SAFB: variants seen among roughly 807,000 people sequenced by gnomAD.
The protein encoded by SAFB is scaffold attachment factor B.
In SAFB, 15 loss-of-function variants were observed where a neutral mutation model predicts 101.6. The observed-to-expected ratio is 0.15, with a 90% CI of 0.10 to 0.23. The LOEUF (loss-of-function observed/expected upper bound fraction) is 0.23. Ranked by LOEUF, SAFB falls within the 10% of genes least tolerant of loss-of-function variation. The pLI is 1.00. For missense variants in SAFB, 930 were observed against 1,104.1 expected (o/e 0.84, Z 2.23); for synonymous variants, 449 against 407.5 (o/e 1.10, Z -1.23).
intron 2 of SAFB, among the ~76,000 whole-genome samples, chr19:5,637,076 G>A (rs915444316): frequency 3.3e-5 from 5 of 151,274 alleles, no homozygotes; most frequent in South Asian, 2.1e-4. Flanking sequence ...CGGGCGTGGT[G>A]GCTCACGCCT....
Position 5,654,140 on chromosome 19 carries a change from A to C in SAFB, c.1606A>C (p.Ser536Arg). ...GGGTGACGACGGAAGTGGAGAAAAGAGTAAGGACCAAGATGATCAGAAACC... is the reference window on the plus strand; with the variant it reads ...GGGTGACGACGGAAGTGGAGAAAAGCGTAAGGACCAAGATGATCAGAAACC... ...KKGDDGSGEK[S>R]KDQDDQKPGP... is the part of the protein sequence containing the mutation. The change falls in exon 12 of 21, where the codon AGT becomes CGT. Residue 536 changes from serine (S) to arginine (R), a missense_variant. Physicochemically the swap from Ser to Arg is moderately radical, Grantham distance 110 (BLOSUM62 -1). This residue lies in a region of SAFB where 92 missense variants were observed against 83.8 expected (regional missense o/e 1.10). Transcript: ENST00000588852. 2 of 1,614,222 alleles carry C rather than the reference A, an allele frequency of 1.2e-6. No homozygotes were observed. The highest frequency in any genetic ancestry group is 2.2e-5 in the East Asian group (1 of 44,888).
At chr19:5,637,542 G>C (rs909763322) in intron 2 of SAFB, among the ~76,000 whole-genome samples, 1 of 151,904 alleles carries the variant, frequency 6.6e-6, no homozygotes, top group African/African-American at 2.4e-5. Flanking sequence ...TGTAGTTCCA[G>C]CTACTCGGGA....
At chr19:5,640,750 C>G (rs2053691330) in intron 2 of SAFB, among the ~76,000 whole-genome samples, 1 of 151,944 alleles carries the variant, frequency 6.6e-6, no homozygotes, top group Non-Finnish European at 1.5e-5. Flanking sequence ...CCACCACAAC[C>G]AGCTAGTTTT....
chr19:5,632,044 G>A (rs2053501569), intron 2 of SAFB, among the ~76,000 whole-genome samples: 1 of 152,096 alleles, frequency 6.6e-6, no homozygotes, highest in African/African-American at 2.4e-5. Flanking sequence ...GCAAGACTCT[G>A]TCTCGAAAAA....
Position 5,626,495 on chromosome 19 carries a change from G to A in SAFB, c.274+6G>A. 1 of 1,552,292 alleles carries A rather than the reference G, an allele frequency of 6.4e-7. No individual in the cohort carries two copies. The highest frequency in any genetic ancestry group is 1.7e-4 in the Middle Eastern group (1 of 5,830). On this transcript the variant is annotated splice_donor_region_variant and intron_variant, in intron 2 of 20. Transcript: ENST00000588852. Reference sequence around the variant, plus strand: ...ATCAAAGAGGTCTAGCAAAGGTATGGAGGATTTCATAAGCAAGTTTCATGT... The same window carrying A: ...ATCAAAGAGGTCTAGCAAAGGTATGAAGGATTTCATAAGCAAGTTTCATGT...
Position 5,668,183 on chromosome 19 carries a change from C to A in SAFB, c.2646C>A (p.Gly882=). ...GMSGRGSFAP[G]GASRGHPIPH... ...CTAGGCGCGGCAGCTTTGCCCCAGG[C>A]GGGGCCTCCCGGGGCCACCCCATCC... Residue 882 remains glycine (G), a synonymous_variant, in exon 21 of 21, where the codon GGC becomes GGA. Coordinates refer to ENST00000588852, the MANE Select transcript of SAFB (RefSeq NM_001201338.2). 1 of 1,604,130 alleles carries A rather than the reference C, an allele frequency of 6.2e-7. No individual in the cohort carries two copies. Among genetic ancestry groups the A allele is most frequent in the African/African-American group, 1.3e-5 (1 of 74,388 alleles).
rs767121870 is a variant in SAFB at position 5,664,415 on chromosome 19, A to G, written c.2310A>G (p.Ser770=). 3 of 1,613,594 alleles carry G rather than the reference A, an allele frequency of 1.9e-6. No individual in the cohort carries two copies. Among genetic ancestry groups the G allele is most frequent in the Non-Finnish European group, 2.5e-6 (3 of 1,179,498 alleles). The change falls in exon 17 of 21, where the codon TCA becomes TCG. Residue 770 remains serine (S), a synonymous_variant. Coordinates refer to ENST00000588852, the MANE Select transcript of SAFB (RefSeq NM_001201338.2). ...TTTTCAGGAGAGAAGGTTCAAGGTC[A>G]ATGATGGGAGAACGAGAAGGACAGG... is the stretch of plus-strand genomic sequence containing the variant. The part of the protein sequence containing the change: ...HSVDRREGSR[S]MMGEREGQHY...
Position 5,633,404 on chromosome 19 carries a change from A to G in SAFB, c.274+6915A>G, listed in dbSNP as rs547341203. On this transcript the variant is annotated intron_variant, in intron 2 of 20. Coordinates refer to ENST00000588852, the MANE Select transcript of SAFB (RefSeq NM_001201338.2). ...TGGAATGGCAGGGTACGTGAGTCTCATCTTATGCTTTTCCTGCCCTTTCCC... is the reference window on the plus strand; with the variant it reads ...TGGAATGGCAGGGTACGTGAGTCTCGTCTTATGCTTTTCCTGCCCTTTCCC... Among the ~76,000 whole-genome samples, 399 of 152,204 alleles carry G rather than the reference A, an allele frequency of 2.6e-3. 1 individual carries two copies. Among genetic ancestry groups the G allele is most frequent in the Middle Eastern group, 3.4e-3 (1 of 294 alleles).
chr19:5,629,873 G>A (rs1382244112), intron 2 of SAFB, among the ~76,000 whole-genome samples: 2 of 151,978 alleles, frequency 1.3e-5, no homozygotes, highest in Non-Finnish European at 2.9e-5. Flanking sequence ...AAAACCCCAC[G>A]TCTACTAAAA....
chr19:5,648,450 C>A lies in SAFB; in HGVS notation c.637+407C>A, dbSNP rs140916121. On this transcript the variant is annotated intron_variant, in intron 6 of 20. Coordinates refer to ENST00000588852, the MANE Select transcript of SAFB (RefSeq NM_001201338.2). Reference sequence around the variant, plus strand: ...CAGCTCAGGTAGTGGTAGGGAGATACATTTTAAAACATAAATTTGAGACAT... The same window carrying A: ...CAGCTCAGGTAGTGGTAGGGAGATAAATTTTAAAACATAAATTTGAGACAT... 2,194 of 277,520 alleles carry A rather than the reference C, an allele frequency of 7.9e-3. 13 individuals carry two copies. The highest frequency in any genetic ancestry group is 0.018 in the Middle Eastern group (14 of 774). 17.2% of individuals were successfully genotyped at this position (277,520 alleles called of 1,614,324 possible).
At position 5,624,471 on chromosome 19, in the gene SAFB, G is replaced by C. The variant is rs188352201; in HGVS notation, c.189+1077G>C. Among the ~76,000 whole-genome samples the C allele has an allele frequency of 3.9e-5, 6 of 152,150 alleles. No homozygotes were observed. In the East Asian group the frequency reaches 9.7e-4, roughly 25 times the overall value. On this transcript the variant is annotated intron_variant, in intron 1 of 20. Transcript: ENST00000588852. ...AGGAAAAGCAGAGAGGCAAGTAAAGGTTAGCCACCTGCGGTTTCCTTATTC... is the reference window on the plus strand; with the variant it reads ...AGGAAAAGCAGAGAGGCAAGTAAAGCTTAGCCACCTGCGGTTTCCTTATTC...
At chr19:5,668,068 T>TG in intron 20 of SAFB, 94 bp from the exon 21 acceptor site, 1 of 1,529,104 alleles carries the variant, frequency 6.5e-7, no homozygotes, top group Non-Finnish European at 8.8e-7. Flanking sequence ...GAAGGGGCCC[T>TG]GCCTGCAGGC....
Position 5,661,712 on chromosome 19 carries a change from G to T in SAFB, c.2057G>T (p.Arg686Leu), listed in dbSNP as rs1046736469. Residue 686 changes from arginine (R) to leucine (L), a missense_variant, in exon 15 of 21, where the codon CGC (arginine) becomes CTC (leucine). Transcript: ENST00000588852. ...VEHERRREQE[R>L]IHREREELRR... ...CACGAGCGCAGGCGCGAGCAGGAGCGCATCCACCGTGAGCGCGAGGAGCTG... is the reference window on the plus strand; with the variant it reads ...CACGAGCGCAGGCGCGAGCAGGAGCTCATCCACCGTGAGCGCGAGGAGCTG... 3 of 1,601,500 alleles carry T rather than the reference G, an allele frequency of 1.9e-6. No individual in the cohort carries two copies. Among genetic ancestry groups the T allele is most frequent in the Non-Finnish European group, 2.6e-6 (3 of 1,175,916 alleles).
intron 1 of SAFB, among the ~76,000 whole-genome samples, chr19:5,626,021 G>A (rs1475587877): frequency 6.6e-6 from 1 of 152,084 alleles, no homozygotes; most frequent in Non-Finnish European, 1.5e-5. Flanking sequence ...TTCCCTTTTT[G>A]AGTTCTTCTG....
At chr19:5,638,914 G>A (rs1045475835) in intron 2 of SAFB, among the ~76,000 whole-genome samples, 5 of 151,394 alleles carry the variant, frequency 3.3e-5, no homozygotes, top group African/African-American at 1.2e-4. Context: ...TAGAGACGCG[G>A]TTTTGCCATG....
intron 2 of SAFB, among the ~76,000 whole-genome samples, chr19:5,639,444 G>T (rs2053659399): frequency 6.6e-6 from 1 of 152,158 alleles, no homozygotes; most frequent in Admixed American, 6.5e-5. Flanking sequence ...TGTAATCCCA[G>T]CACTTTGGGA....
intron 2 of SAFB, among the ~76,000 whole-genome samples, chr19:5,639,925 C>T (rs1214077833): frequency 6.6e-6 from 1 of 152,024 alleles, no homozygotes; most frequent in Non-Finnish European, 1.5e-5. Flanking sequence ...GCAACCTCCA[C>T]CCCCTGGGTT....
chr19:5,658,900 A>G (rs1442243854), intron 14 of SAFB, among the ~76,000 whole-genome samples: 4 of 150,352 alleles, frequency 2.7e-5, no homozygotes, highest in African/African-American at 9.8e-5. Context: ...TAATCCCAGC[A>G]CTTTGGGAGG....
chr19:5,666,727 C>G, intron 17 of SAFB: 1 of 402,692 alleles, frequency 2.5e-6, no homozygotes, highest in Non-Finnish European at 4.5e-6. Context: ...GCTGTGGGAC[C>G]CAGGGAATCT....
Sources: gnomAD v4.1 joint callset for allele counts (sites outside exome capture counted in the v4.1 genomes callset) on GRCh38, gnomAD v4.1.1 for gene constraint, gnomAD v4.1.1 regional missense constraint, MANE v1.5 for transcripts, NCBI Gene and HGNC (gene_info 2026-07-23, HGNC 2026-07-21) for gene names.